Variants in TNIP3 observed in about 807,000 individuals in gnomAD.
TNIP3 encodes TNFAIP3-interacting protein 3.
Under a neutral mutation model 54.1 loss-of-function variants are expected in TNIP3, and 34 were observed. The ratio of observed to expected loss-of-function variants is 0.63; its 90% confidence interval spans 0.48 to 0.84. The LOEUF (loss-of-function observed/expected upper bound fraction) is 0.84. Among genes scored for constraint, TNIP3 ranks in the 40% least tolerant of loss-of-function variants. TNIP3 has a pLI of 0.00. For synonymous variants in TNIP3, 134 were observed against 136.8 expected, an observed-to-expected ratio of 0.98 and a Z score of 0.14; for missense variants, 366 against 387.6, an observed-to-expected ratio of 0.94 and a Z score of 0.47.
intron 3 of TNIP3, 44 bp from the exon 4 acceptor site, chr4:121,157,287 G>C: frequency 6.2e-7 from 1 of 1,613,184 alleles, no homozygotes; most frequent in South Asian, 1.1e-5. Context: ...CTTCTCTGAA[G>C]CTCACAAGCC....
upstream of TNIP3, among the ~76,000 whole-genome samples, chr4:121,218,739 T>C (rs1726909125): frequency 1.3e-5 from 2 of 152,054 alleles, no homozygotes; most frequent in Admixed American, 1.3e-4. Flanking sequence ...TTCTGAACTC[T>C]TGGGCTCAAG....
At chr4:121,167,417 G>C (rs114247097), upstream of TNIP3, among the ~76,000 whole-genome samples, 2 of 152,096 alleles carry the variant, frequency 1.3e-5, no homozygotes, top group African/African-American at 2.4e-5. Flanking sequence ...GGCCTTGAAG[G>C]GTAGATAGGA....
intron 2 of TNIP3, among the ~76,000 whole-genome samples, chr4:121,195,638 TTTG>T (rs1159557641): frequency 2.0e-5 from 3 of 152,242 alleles, no homozygotes; most frequent in Admixed American, 6.5e-5. Context: ...AATAAAATTA[TTTG>T]TTGTTCTTCA....
Position 121,161,135 on chromosome 4 carries a change from C to T in TNIP3, c.147+1G>A. ...GGCTTTAGCGAATATTTCTAAGTTA[C>T]CTCTTTTCTTTGTTTTTCCAAACAC... is the stretch of plus-strand genomic sequence containing the variant. On this transcript the variant is annotated splice_donor_variant, in intron 2 of 10. Transcript: ENST00000057513. LOFTEE classifies it high-confidence loss of function. 1 of 1,573,930 alleles carries T rather than the reference C, an allele frequency of 6.4e-7. No homozygotes were observed. Among genetic ancestry groups the T allele is most frequent in the Non-Finnish European group, 8.7e-7 (1 of 1,154,898 alleles).
intron 1 of TNIP3, among the ~76,000 whole-genome samples, chr4:121,223,597 TC>T (rs1472523654): frequency 8.6e-6 from 1 of 116,486 alleles, no homozygotes; most frequent in African/African-American, 3.5e-5. Flanking sequence ...CTTACAAGGC[TC>T]CACAGAAACT....
intron 1 of TNIP3, among the ~76,000 whole-genome samples, chr4:121,161,867 A>G (rs1430107842): frequency 2.0e-5 from 3 of 152,166 alleles, no homozygotes; most frequent in African/African-American, 7.2e-5. Flanking sequence ...GAGTGAGAGT[A>G]TTCATTTAAA....
intron 2 of TNIP3, among the ~76,000 whole-genome samples, chr4:121,195,141 G>A (rs1725507083): frequency 6.6e-6 from 1 of 151,880 alleles, no homozygotes; most frequent in South Asian, 2.1e-4. Flanking sequence ...TCACTGCAGT[G>A]CAGCCTGGGT....
chr4:121,134,789 G>C (rs1728681022), intron 10 of TNIP3, among the ~76,000 whole-genome samples: 1 of 152,110 alleles, frequency 6.6e-6, no homozygotes, highest in African/African-American at 2.4e-5. Flanking sequence ...ATCTTATAGA[G>C]GACTCTGCTC....
Position 121,154,665 on chromosome 4 carries a change from G to A in TNIP3, c.378C>T (p.Arg126=). The change falls in exon 5 of 11, where the codon CGC becomes CGT. Residue 126 remains arginine (R), a synonymous_variant. Transcript: ENST00000057513. ...TCAATTCATGTAATTCTTCATTTAGGCGTTCCTTTTCCTTCTGAAGTTAAG... is the reference window on the plus strand; with the variant it reads ...TCAATTCATGTAATTCTTCATTTAGACGTTCCTTTTCCTTCTGAAGTTAAG... The part of the protein sequence containing the change: ...RLQREEKEKE[R]LNEELHELKE... 6.2e-7 allele frequency: 1 copy of A among 1,608,510 alleles called. No homozygotes were observed. The highest frequency in any genetic ancestry group is 8.5e-7 in the Non-Finnish European group (1 of 1,178,366).
chr4:121,149,111 G>A (rs535152566), intron 6 of TNIP3, among the ~76,000 whole-genome samples: 1 of 152,318 alleles, frequency 6.6e-6, no homozygotes, highest in East Asian at 1.9e-4. Context: ...TCAGCAGATT[G>A]ATTAAATTTA....
chr4:121,137,925 G>A lies in TNIP3; in HGVS notation c.946+699C>T, dbSNP rs1430152110. 2.0e-5 allele frequency: 9 copies of A among 456,092 alleles called. No homozygotes were observed. In the East Asian group the frequency reaches 2.1e-4, roughly 11 times the overall value. 28.3% of individuals were successfully genotyped at this position (456,092 alleles called of 1,614,324 possible). Reference sequence around the variant, plus strand: ...TTATGTATACTTGATGAGAATAGAAGTGGGATTTTGATTATAGCTCAGTTT... The same window carrying A: ...TTATGTATACTTGATGAGAATAGAAATGGGATTTTGATTATAGCTCAGTTT... On this transcript the variant is annotated intron_variant, in intron 10 of 10. Coordinates refer to ENST00000057513, the MANE Select transcript of TNIP3 (RefSeq NM_024873.6).
At chr4:121,216,663 C>G (rs1460926708), upstream of TNIP3, 8 of 1,419,564 alleles carry the variant, frequency 5.6e-6, no homozygotes, top group Non-Finnish European at 7.3e-6. Context: ...CCTGAGAAGA[C>G]AGACCACAAG....
upstream of TNIP3, among the ~76,000 whole-genome samples, chr4:121,167,470 G>A (rs989154647): frequency 2.6e-5 from 4 of 152,124 alleles, no homozygotes; most frequent in Non-Finnish European, 5.9e-5. Flanking sequence ...GCTGCAAAGG[G>A]AGCACAGTAA....
chr4:121,208,197 A>G (rs991321846), intron 2 of TNIP3, among the ~76,000 whole-genome samples: 3 of 152,202 alleles, frequency 2.0e-5, no homozygotes, highest in African/African-American at 7.2e-5. Flanking sequence ...CCTGGGGACC[A>G]GACTGCCTCT....
At chr4:121,182,507 G>C (rs990257469) in intron 3 of TNIP3, among the ~76,000 whole-genome samples, 1 of 152,178 alleles carries the variant, frequency 6.6e-6, no homozygotes, top group African/African-American at 2.4e-5. Flanking sequence ...TTAGTAACAG[G>C]AAGTGGCTGT....
At chr4:121,184,617 C>T (rs555655359) in intron 2 of TNIP3, among the ~76,000 whole-genome samples, 24 of 152,172 alleles carry the variant, frequency 1.6e-4, no homozygotes, top group Non-Finnish European at 2.9e-4. Context: ...CTGTGAAACA[C>T]TCCATGTCAT....
At chr4:121,199,703 A>G (rs1725779535) in intron 2 of TNIP3, among the ~76,000 whole-genome samples, 1 of 152,254 alleles carries the variant, frequency 6.6e-6, no homozygotes, top group African/African-American at 2.4e-5. Context: ...AAAGCTGATC[A>G]TGTAAACACA....
intron 2 of TNIP3, among the ~76,000 whole-genome samples, chr4:121,186,579 A>G (rs936882878): frequency 1.3e-5 from 2 of 152,136 alleles, no homozygotes; most frequent in East Asian, 1.9e-4. Context: ...TGTTTTGTAA[A>G]TGGAGGAAAA....
intron 2 of TNIP3, among the ~76,000 whole-genome samples, chr4:121,201,747 A>G (rs1448335618): frequency 6.6e-6 from 1 of 152,264 alleles, no homozygotes. Context: ...ATATTCATTT[A>G]TTCAACAGTT....
Sources: allele counts gnomAD v4.1 joint callset (sites outside exome capture counted in the v4.1 genomes callset), GRCh38; gene constraint gnomAD v4.1.1; transcripts MANE v1.5; gene names NCBI Gene and HGNC (gene_info 2026-07-23, HGNC 2026-07-21).